KALRN: variants seen among roughly 807,000 people sequenced by gnomAD.
KALRN encodes kalirin RhoGEF kinase, also known as kalirin.
In KALRN, 70 loss-of-function variants were observed where a neutral mutation model predicts 353.7. That is an observed-to-expected ratio of 0.20 (90% CI 0.16 to 0.24). The LOEUF is 0.24. KALRN is among the 10% of genes least tolerant of loss of function. KALRN has a pLI of 1.00. For missense variants in KALRN, 2,791 were observed against 3,756.7 expected (o/e 0.74, Z 6.72); for synonymous variants, 1,391 against 1,434.8 (o/e 0.97, Z 0.69).
Position 124,189,902 on chromosome 3 carries a change from G to C in KALRN, c.74-38088G>C, listed in dbSNP as rs530793801. On this transcript the variant is annotated intron_variant, in intron 1 of 59. Transcript: ENST00000682506. ...TGCAGTGAGCTAAGATTGCGCCACT[G>C]CACTCCAGCCTGGCAACAGAGCAAG... Among the ~76,000 whole-genome samples the C allele has an allele frequency of 2.8e-5, 4 of 143,808 alleles. No homozygotes were observed. In the South Asian group the frequency reaches 8.8e-4, roughly 32 times the overall value. The allele number at this position is 143,808 out of a possible 152,430, so 94.3% of individuals were successfully genotyped here.
chr3:124,109,285 A>AT (rs374555362), intron 1 of KALRN, among the ~76,000 whole-genome samples: 1 of 151,702 alleles, frequency 6.6e-6, no homozygotes, highest in African/African-American at 2.4e-5. Flanking sequence ...TATTCTAGAT[A>AT]TTTTTATCTC....
chr3:124,170,096 G>C (rs763628171), intron 1 of KALRN, among the ~76,000 whole-genome samples: 5 of 152,130 alleles, frequency 3.3e-5, no homozygotes, highest in African/African-American at 1.2e-4. Context: ...TACTTGGGAC[G>C]TGTGGTAAAA....
chr3:124,555,132 GCTGT>G, intron 33 of KALRN, among the ~76,000 whole-genome samples: 1 of 152,092 alleles, frequency 6.6e-6, no homozygotes, highest in Non-Finnish European at 1.5e-5. Context: ...ACTCCCTGGG[GCTGT>G]CTGAGGGTTG....
intron 6 of KALRN, among the ~76,000 whole-genome samples, chr3:124,318,535 C>T (rs1273741693): frequency 3.3e-5 from 5 of 152,052 alleles, no homozygotes; most frequent in Admixed American, 6.5e-5. Flanking sequence ...GCTTTAGGAC[C>T]CAAAGTGAGT....
At chr3:124,616,296 T>C (rs540717191) in intron 34 of KALRN, among the ~76,000 whole-genome samples, 1 of 152,328 alleles carries the variant, frequency 6.6e-6, no homozygotes, top group Admixed American at 6.5e-5. Flanking sequence ...TGGTTAAGGT[T>C]ACTACTGAAG....
chr3:124,259,070 T>C (rs756919905), intron 3 of KALRN, among the ~76,000 whole-genome samples: 56 of 152,174 alleles, frequency 3.7e-4, no homozygotes, highest in Non-Finnish European at 7.4e-4. Flanking sequence ...TGTAAGAGAC[T>C]GAAAGAAGCA....
At chr3:124,565,019 C>T (rs932958680) in intron 34 of KALRN, among the ~76,000 whole-genome samples, 8 of 152,258 alleles carry the variant, frequency 5.3e-5, no homozygotes, top group African/African-American at 1.7e-4. Flanking sequence ...TGGAGACCTG[C>T]TGCAGGCTTC....
chr3:124,374,746 C>G (rs556398764), intron 10 of KALRN, among the ~76,000 whole-genome samples: 1 of 152,240 alleles, frequency 6.6e-6, no homozygotes, highest in Non-Finnish European at 1.5e-5. Context: ...CCTCCCACTG[C>G]CAGCCAAACA....
chr3:124,268,717 T>C (rs780704501), intron 4 of KALRN, 26 bp from the exon 5 acceptor site: 3 of 1,611,516 alleles, frequency 1.9e-6, no homozygotes, highest in Non-Finnish European at 2.5e-6. Context: ...TCACTGAGTA[T>C]CCTTGTCTGT....
chr3:124,359,828 C>A (rs1444756), intron 10 of KALRN, among the ~76,000 whole-genome samples: 90,718 of 152,082 alleles, frequency 0.6, 27,391 homozygotes, highest in East Asian at 0.89. Flanking sequence ...TTCCAGGCAA[C>A]GCTGTTAAGT....
chr3:124,165,515 C>A (rs1374454344), intron 1 of KALRN, among the ~76,000 whole-genome samples: 1 of 152,228 alleles, frequency 6.6e-6, no homozygotes. Flanking sequence ...TCCATAGCAA[C>A]CACATGTGGT....
chr3:124,083,433 C>A (rs1324121258), intron 1 of KALRN, among the ~76,000 whole-genome samples: 1 of 152,076 alleles, frequency 6.6e-6, no homozygotes, highest in Non-Finnish European at 1.5e-5. Flanking sequence ...GGATGGGAAA[C>A]AGTGTTCCAA....
chr3:124,577,920 T>A (rs2074282516), intron 34 of KALRN, among the ~76,000 whole-genome samples: 1 of 152,146 alleles, frequency 6.6e-6, no homozygotes, highest in Non-Finnish European at 1.5e-5. Flanking sequence ...GGAGTTCAAA[T>A]TAAATATAGA....
chr3:124,446,042 T>G, intron 19 of KALRN, 119 bp from the exon 20 acceptor site: 1 of 623,384 alleles, frequency 1.6e-6, no homozygotes, highest in Non-Finnish European at 2.9e-6. Context: ...TGGATTAGTC[T>G]CATGGGGATG....
intron 27 of KALRN, among the ~76,000 whole-genome samples, chr3:124,477,683 C>G (rs867317407): frequency 6.6e-6 from 1 of 152,090 alleles, no homozygotes; most frequent in Non-Finnish European, 1.5e-5. Flanking sequence ...GTAGTGTTTC[C>G]GAAAGTGTGA....
At chr3:124,293,647 A>G (rs1216185691) in intron 5 of KALRN, among the ~76,000 whole-genome samples, 2 of 152,202 alleles carry the variant, frequency 1.3e-5, no homozygotes, top group Admixed American at 6.5e-5. Flanking sequence ...AAAAACCCCA[A>G]ATGACTTACA....
At chr3:124,336,711 A>G (rs896285341) in intron 9 of KALRN, among the ~76,000 whole-genome samples, 2 of 152,216 alleles carry the variant, frequency 1.3e-5, no homozygotes, top group Non-Finnish European at 1.5e-5. Flanking sequence ...GCTTTCAAAA[A>G]TGAGAGCCTT....
intron 3 of KALRN, among the ~76,000 whole-genome samples, chr3:124,236,911 G>A (rs1038719747): frequency 6.6e-6 from 1 of 152,196 alleles, no homozygotes; most frequent in Non-Finnish European, 1.5e-5. Flanking sequence ...CAGGGCAGGC[G>A]AGAGCCCTAT....
intron 1 of KALRN, among the ~76,000 whole-genome samples, chr3:124,168,243 C>G (rs1010392027): frequency 6.6e-6 from 1 of 152,076 alleles, no homozygotes; most frequent in African/African-American, 2.4e-5. Context: ...AAGAGTTATG[C>G]GTATAAAGCA....
Sources: gnomAD v4.1 joint callset for allele counts (sites outside exome capture counted in the v4.1 genomes callset) on GRCh38, gnomAD v4.1.1 for gene constraint, MANE v1.5 for transcripts, NCBI Gene and HGNC (gene_info 2026-07-23, HGNC 2026-07-21) for gene names.